Variants in DTD1 observed in about 807,000 individuals in gnomAD.
The protein encoded by DTD1 is D-aminoacyl-tRNA deacylase 1, also known as D-tyrosyl-tRNA deacylase 1 homolog.
A neutral mutation model predicts 25.6 loss-of-function variants in DTD1; 13 were observed. The observed-to-expected ratio is 0.51, with a 90% CI of 0.33 to 0.81. DTD1 has a LOEUF of 0.81. Ranked by LOEUF, DTD1 falls within the 30% of genes least tolerant of loss-of-function variation. DTD1 has a pLI of 0.02. For missense variants in DTD1, 193 were observed against 266.4 expected (o/e 0.72, Z 1.92); for synonymous variants, 110 against 103.6 (o/e 1.06, Z -0.37).
At chr20:18,632,746 T>A in intron 4 of DTD1, 1 of 811,352 alleles carries the variant, frequency 1.2e-6, no homozygotes, top group Non-Finnish European at 1.5e-6. Flanking sequence ...ATAAGTTCTT[T>A]AAACTATCTG....
At chr20:18,595,347 A>G (rs2060606355) in intron 2 of DTD1, among the ~76,000 whole-genome samples, 2 of 151,916 alleles carry the variant, frequency 1.3e-5, no homozygotes, top group Non-Finnish European at 2.9e-5. Flanking sequence ...GCTTACTGCA[A>G]TCTCTGCCTC....
chr20:18,662,908 G>T (rs895118123), intron 4 of DTD1, among the ~76,000 whole-genome samples: 2 of 152,098 alleles, frequency 1.3e-5, no homozygotes, highest in Non-Finnish European at 2.9e-5. Context: ...TCTTTTTATG[G>T]CTCTTATCGC....
Position 18,595,054 on chromosome 20 carries a change from G to A in DTD1, c.135-952G>A, listed in dbSNP as rs1162081331. On this transcript the variant is annotated intron_variant, in intron 2 of 5. Transcript: ENST00000377452. ...TGGTGAGATTTCAGCTTTCATGCTGGTGGTTCTCTGCTGTGCTTCTCAAAT... is the reference window on the plus strand; with the variant it reads ...TGGTGAGATTTCAGCTTTCATGCTGATGGTTCTCTGCTGTGCTTCTCAAAT... Among the ~76,000 whole-genome samples, 2 of 152,158 alleles carry A rather than the reference G, an allele frequency of 1.3e-5. 1 individual carries two copies. Among genetic ancestry groups the A allele is most frequent in the Admixed American group, 1.3e-4 (2 of 15,272 alleles).
chr20:18,753,382 T>G (rs1600223992), intron 5 of DTD1, among the ~76,000 whole-genome samples: 1 of 151,754 alleles, frequency 6.6e-6, no homozygotes, highest in African/African-American at 2.4e-5. Context: ...CCGAGGCGGG[T>G]GGATCACCTG....
At chr20:18,661,289 G>T (rs1487983808) in intron 4 of DTD1, among the ~76,000 whole-genome samples, 1 of 151,918 alleles carries the variant, frequency 6.6e-6, no homozygotes, top group African/African-American at 2.4e-5. Flanking sequence ...AAAAAATGAT[G>T]CTGGGAATTT....
intron 4 of DTD1, among the ~76,000 whole-genome samples, chr20:18,657,485 A>G (rs2060895304): frequency 6.6e-6 from 1 of 152,176 alleles, no homozygotes. Flanking sequence ...CAGAGATAGC[A>G]CCTCTAACCT....
At chr20:18,695,809 T>G (rs976160383) in intron 4 of DTD1, among the ~76,000 whole-genome samples, 1 of 151,524 alleles carries the variant, frequency 6.6e-6, no homozygotes, top group African/African-American at 2.4e-5. Context: ...TTGTTGGGAC[T>G]ACAGGCGCGT....
intron 4 of DTD1, among the ~76,000 whole-genome samples, chr20:18,669,022 C>T (rs144566337): frequency 1.3e-5 from 2 of 152,342 alleles, no homozygotes; most frequent in African/African-American, 4.8e-5. Context: ...TGGCTTGGCT[C>T]CATCCTCAAA....
intron 4 of DTD1, among the ~76,000 whole-genome samples, chr20:18,724,082 C>T (rs1411623839): frequency 6.6e-6 from 1 of 152,198 alleles, no homozygotes; most frequent in Admixed American, 6.5e-5. Context: ...TTAAGACTTT[C>T]CTGGAAGCCC....
intron 3 of DTD1, among the ~76,000 whole-genome samples, chr20:18,599,721 G>T (rs1293698566): frequency 6.6e-6 from 1 of 152,088 alleles, no homozygotes; most frequent in South Asian, 2.1e-4. Flanking sequence ...ATTCTAATAG[G>T]TATGTAGAGG....
intron 1 of DTD1, 91 bp downstream of exon 1, chr20:18,588,206 G>A: frequency 8.8e-7 from 1 of 1,135,980 alleles, no homozygotes; most frequent in Admixed American, 4.4e-5. Flanking sequence ...GCCATCCTTG[G>A]GGCCGCTGCG....
intron 4 of DTD1, among the ~76,000 whole-genome samples, chr20:18,645,255 G>T (rs1234351348): frequency 6.6e-6 from 1 of 152,204 alleles, no homozygotes; most frequent in African/African-American, 2.4e-5. Flanking sequence ...TTCGGGACTT[G>T]GAGAGGAGTG....
At chr20:18,597,016 A>G (rs1456660306) in intron 3 of DTD1, among the ~76,000 whole-genome samples, 1 of 152,150 alleles carries the variant, frequency 6.6e-6, no homozygotes, top group Non-Finnish European at 1.5e-5. Context: ...ATTTATAATG[A>G]CATGTGTCTA....
chr20:18,662,346 C>T (rs919905971), intron 4 of DTD1, among the ~76,000 whole-genome samples: 1 of 152,094 alleles, frequency 6.6e-6, no homozygotes, highest in African/African-American at 2.4e-5. Flanking sequence ...GTCTTGAACT[C>T]CTGACCTCAA....
chr20:18,626,009 G>C (rs561145189), intron 3 of DTD1, among the ~76,000 whole-genome samples: 3 of 152,204 alleles, frequency 2.0e-5, no homozygotes, highest in Admixed American at 6.5e-5. Context: ...ATTGGTACAC[G>C]CCTTTTGTTC....
chr20:18,707,552 G>T (rs891775155), intron 4 of DTD1, among the ~76,000 whole-genome samples: 1 of 152,154 alleles, frequency 6.6e-6, no homozygotes, highest in African/African-American at 2.4e-5. Flanking sequence ...ACTCTAAAGG[G>T]AGCGAGCACT....
chr20:18,762,828 A>G (rs2061368147), intron 5 of DTD1, among the ~76,000 whole-genome samples: 1 of 151,656 alleles, frequency 6.6e-6, no homozygotes, highest in Non-Finnish European at 1.5e-5. Flanking sequence ...TTGAAATGTC[A>G]TCAGTTTCTG....
intron 5 of DTD1, among the ~76,000 whole-genome samples, chr20:18,758,373 A>G (rs1458963034): frequency 1.3e-5 from 2 of 151,828 alleles, no homozygotes; most frequent in African/African-American, 4.8e-5. Context: ...TAGGGTGTCA[A>G]TTTTGGATCT....
chr20:18,741,098 T>TTTGTG (rs2061276142), intron 4 of DTD1, among the ~76,000 whole-genome samples: 6 of 152,242 alleles, frequency 3.9e-5, no homozygotes, highest in Non-Finnish European at 8.8e-5. Flanking sequence ...TACCAGGCCA[T>TTTGTG]GGCGAAACAA....
Sources: allele counts gnomAD v4.1 joint callset (sites outside exome capture counted in the v4.1 genomes callset), GRCh38; gene constraint gnomAD v4.1.1; transcripts MANE v1.5; gene names NCBI Gene and HGNC (gene_info 2026-07-23, HGNC 2026-07-21).